Variants in MAGI1 observed in about 807,000 individuals in gnomAD.
MAGI1 encodes membrane associated guanylate kinase, WW and PDZ domain containing 1.
MAGI1 carries 58 observed loss-of-function variants against 139.9 expected under a neutral mutation model. That is an observed-to-expected ratio of 0.41 (90% CI 0.34 to 0.52). MAGI1 has a LOEUF of 0.52. Ranked by LOEUF, MAGI1 falls within the 20% of genes least tolerant of loss-of-function variation. The probability of loss-of-function intolerance (pLI) is 0.12; values close to 1 mark genes in which losing one functional copy is unlikely to be tolerated. For synonymous variants in MAGI1, 812 were observed against 737.9 expected (o/e 1.10, Z -1.63); for missense variants, 1,874 against 1,901.6 (o/e 0.99, Z 0.27).
intron 1 of MAGI1, among the ~76,000 whole-genome samples, chr3:65,816,384 T>C (rs2041602182): frequency 6.6e-6 from 1 of 152,244 alleles, no homozygotes. Flanking sequence ...AGATGAATTT[T>C]ACATTTCATT....
chr3:65,769,914 C>T (rs2037813164), intron 1 of MAGI1, among the ~76,000 whole-genome samples: 1 of 152,182 alleles, frequency 6.6e-6, no homozygotes, highest in Admixed American at 6.5e-5. Flanking sequence ...GTGAGATAGC[C>T]TCTCCTGTCA....
At chr3:65,942,229 A>AC (rs1036187906) in intron 1 of MAGI1, among the ~76,000 whole-genome samples, 3 of 152,048 alleles carry the variant, frequency 2.0e-5, no homozygotes, top group African/African-American at 7.2e-5. Context: ...AAAAAAAAAA[A>AC]ACACATACAA....
intron 1 of MAGI1, among the ~76,000 whole-genome samples, chr3:65,720,652 T>C (rs999821447): frequency 6.6e-6 from 1 of 152,194 alleles, no homozygotes; most frequent in African/African-American, 2.4e-5. Context: ...TTCCCTTTCA[T>C]ACCAAGTGGG....
chr3:66,031,084 A>T (rs2068564287), intron 1 of MAGI1, among the ~76,000 whole-genome samples: 1 of 152,188 alleles, frequency 6.6e-6, no homozygotes, highest in African/African-American at 2.4e-5. Flanking sequence ...GCAATGCACC[A>T]GTGTGTACTA....
At chr3:65,575,335 G>T (rs1221512461) in intron 2 of MAGI1, among the ~76,000 whole-genome samples, 1 of 152,064 alleles carries the variant, frequency 6.6e-6, no homozygotes, top group African/African-American at 2.4e-5. Flanking sequence ...GAGGTACCAA[G>T]ATATACTATT....
At position 65,439,922 on chromosome 3, in the gene MAGI1, C is replaced by CTGCTGT. The variant is rs1189084936; in HGVS notation, c.1221_1226dup (p.Gln420_Gln421dup). The CTGCTGT allele has an allele frequency of 1.9e-6, 3 of 1,610,174 alleles. No homozygotes were observed. The highest frequency in any genetic ancestry group is 2.5e-6 in the Non-Finnish European group (3 of 1,177,636). On this transcript the variant is annotated inframe_insertion, in exon 9 of 23. Coordinates refer to ENST00000402939, the MANE Select transcript of MAGI1 (RefSeq NM_001033057.2). ...GCTGCTGCTGCTGCTGCTGTTGCTG[C>CTGCTGT]TGCTGTTGCTGCTGCTGCTGCTGCT...
intron 6 of MAGI1, 197 bp downstream of exon 6, chr3:65,453,061 T>A (rs150355345): frequency 3.4e-6 from 2 of 582,868 alleles, no homozygotes; most frequent in Non-Finnish European, 6.2e-6. Flanking sequence ...TCTGTCTTTA[T>A]GTGTAAACAA....
intron 1 of MAGI1, among the ~76,000 whole-genome samples, chr3:65,769,758 GC>G (rs1185617622): frequency 2.0e-5 from 3 of 152,208 alleles, no homozygotes; most frequent in African/African-American, 4.8e-5. Flanking sequence ...TTAAAAATGT[GC>G]CTACTATCTC....
rs34593257 is a variant in MAGI1, at chr3:66,024,315, TAAAAAAA to T, written c.313+13674_313+13680del. Among the ~76,000 whole-genome samples the T allele has an allele frequency of 3.8e-3, 368 of 95,764 alleles. 2 individuals are homozygous for T. The highest frequency in any genetic ancestry group is 7.5e-3 in the Middle Eastern group (1 of 134). The allele number at this position is 95,764 out of a possible 152,430, so 62.8% of individuals were successfully genotyped here. On this transcript the variant is annotated intron_variant, in intron 1 of 22. Transcript: ENST00000402939. ...GTGCTTTAAAACTGGCAAAGTTCAT[TAAAAAAA>T]AAAAAAAAAAAAAAAAGAACAGGCT...
intron 2 of MAGI1, among the ~76,000 whole-genome samples, chr3:65,509,957 G>A (rs979019043): frequency 6.6e-6 from 1 of 152,194 alleles, no homozygotes; most frequent in Non-Finnish European, 1.5e-5. Context: ...AAGGAGATCT[G>A]AGAACCGGCA....
chr3:65,519,334 TGACACACACACA>T (rs1252388018), intron 2 of MAGI1, among the ~76,000 whole-genome samples: 4 of 104,872 alleles, frequency 3.8e-5, no homozygotes, highest in Non-Finnish European at 7.4e-5. Flanking sequence ...TATCATGATC[TGACACACACACA>T]CACACACACA....
At chr3:65,512,850 C>G (rs1171795202) in intron 2 of MAGI1, among the ~76,000 whole-genome samples, 1 of 151,424 alleles carries the variant, frequency 6.6e-6, no homozygotes, top group Non-Finnish European at 1.5e-5. Context: ...AGAGACACAG[C>G]CAAAAAAGAG....
rs537702771 is a variant in MAGI1 at position 66,023,847 on chromosome 3, A to G, written c.313+14149T>C. ...AGAACTCAAATTCACGTGAACATCA[A>G]TTTCAAGATGTGACTTTGCACCCAG... is the stretch of plus-strand genomic sequence containing the variant. On this transcript the variant is annotated intron_variant, in intron 1 of 22. Transcript: ENST00000402939. 5.3e-5 allele frequency among the ~76,000 whole-genome samples: 8 copies of G among 152,274 alleles called. 1 individual carries two copies. In the South Asian group the frequency reaches 1.7e-3, roughly 32 times the overall value.
intron 1 of MAGI1, among the ~76,000 whole-genome samples, chr3:65,983,431 G>A (rs994784647): frequency 1.3e-5 from 2 of 152,120 alleles, no homozygotes; most frequent in Non-Finnish European, 2.9e-5. Context: ...CCACTGGTGA[G>A]CATTTCAACT....
intron 1 of MAGI1, among the ~76,000 whole-genome samples, chr3:65,850,241 C>T (rs529634551): frequency 1.3e-5 from 2 of 152,212 alleles, no homozygotes; most frequent in African/African-American, 2.4e-5. Context: ...TAAATGCAGT[C>T]CCCTTCTTTT....
intron 1 of MAGI1, among the ~76,000 whole-genome samples, chr3:65,995,785 TA>T (rs2066414371): frequency 6.6e-6 from 1 of 152,188 alleles, no homozygotes; most frequent in Non-Finnish European, 1.5e-5. Context: ...AACAGCTATC[TA>T]AGTCTGTTCT....
At chr3:65,515,802 A>G (rs954504035) in intron 2 of MAGI1, among the ~76,000 whole-genome samples, 2 of 152,332 alleles carry the variant, frequency 1.3e-5, no homozygotes, top group Admixed American at 1.3e-4. Context: ...CATATGGTCC[A>G]ATACTTTACA....
chr3:65,447,757 C>T (rs1948764669), intron 7 of MAGI1, among the ~76,000 whole-genome samples: 1 of 152,176 alleles, frequency 6.6e-6, no homozygotes. Context: ...ACAAGACTAC[C>T]CATTACCAAT....
At chr3:65,717,158 C>G (rs1450555518) in intron 1 of MAGI1, among the ~76,000 whole-genome samples, 1 of 152,114 alleles carries the variant, frequency 6.6e-6, no homozygotes, top group African/African-American at 2.4e-5. Context: ...ATAACAGAAG[C>G]AGGCTCATCT....
Sources: allele counts gnomAD v4.1 joint callset (sites outside exome capture counted in the v4.1 genomes callset), GRCh38; gene constraint gnomAD v4.1.1; transcripts MANE v1.5; gene names NCBI Gene and HGNC (gene_info 2026-07-23, HGNC 2026-07-21).